The following VPS53 variants were observed in gnomAD, a reference collection of about 807,000 sequenced individuals.
The protein encoded by VPS53 is vacuolar protein sorting-associated protein 53 homolog.
VPS53 carries 70 observed loss-of-function variants against 107.0 expected under a neutral mutation model. That is an observed-to-expected ratio of 0.65 (90% CI 0.54 to 0.80). VPS53 has a LOEUF of 0.80. VPS53 is among the 30% of genes least tolerant of loss of function. VPS53 has a pLI of 0.00. For synonymous variants in VPS53, 409 were observed against 393.3 expected (o/e 1.04, Z -0.47); for missense variants, 917 against 1,049.4 (o/e 0.87, Z 1.74).
At chr17:698,479 C>A (rs187843104) in intron 3 of VPS53, among the ~76,000 whole-genome samples, 17 of 150,730 alleles carry the variant, frequency 1.1e-4, no homozygotes, top group Non-Finnish European at 2.2e-4. Context: ...CTGAGGCAGG[C>A]AGATTGCTTG....
intron 12 of VPS53, 56 bp downstream of exon 12, chr17:601,739 G>T: frequency 7.1e-7 from 1 of 1,409,022 alleles, no homozygotes; most frequent in South Asian, 1.3e-5. Flanking sequence ...CAAGCAGACC[G>T]ATTTTCAGAA....
At chr17:684,489 T>C (rs866304) in intron 4 of VPS53, among the ~76,000 whole-genome samples, 73,769 of 152,038 alleles carry the variant, frequency 0.49, 20,498 homozygotes, top group Non-Finnish European at 0.62. Flanking sequence ...AGTATAAATC[T>C]AGCAAACTAT....
intron 8 of VPS53, among the ~76,000 whole-genome samples, 172 bp from the exon 9 acceptor site, chr17:628,403 T>C (rs958355325): frequency 7.9e-5 from 12 of 152,212 alleles, no homozygotes; most frequent in Non-Finnish European, 1.6e-4. Flanking sequence ...TCCTCGAGGA[T>C]GGAATCCTTA....
At chr17:604,807 G>T (rs966703331) in intron 11 of VPS53, among the ~76,000 whole-genome samples, 5 of 152,160 alleles carry the variant, frequency 3.3e-5, no homozygotes, top group African/African-American at 1.2e-4. Flanking sequence ...TGTGGCACAT[G>T]CATTCCACAT....
rs1422061212 is a variant in VPS53, at chr17:631,769, T to C, written c.609-141A>G. 17 of 655,654 alleles carry C rather than the reference T, an allele frequency of 2.6e-5. No homozygotes were observed. The Admixed American group carries it at 3.9e-4, about 15-fold the overall frequency. 40.6% of individuals were successfully genotyped at this position (655,654 alleles called of 1,614,324 possible). A position where few individuals can be genotyped will look rare whatever the true frequency, so the allele number is the denominator to read the frequency against. ...GACGTCCATGAGGTGAGAGGTCACA[T>C]ACTAGTTAAGTGACAGGTTGATGAG... is the stretch of plus-strand genomic sequence containing the variant. On this transcript the variant is annotated intron_variant, in intron 7 of 21. Coordinates refer to ENST00000437048, the MANE Select transcript of VPS53 (RefSeq NM_001128159.3).
At chr17:533,713 T>C (rs1202469670) in intron 18 of VPS53, among the ~76,000 whole-genome samples, 2 of 152,190 alleles carry the variant, frequency 1.3e-5, no homozygotes, top group African/African-American at 2.4e-5. Context: ...TTTGCTTACA[T>C]GTCTATTTTG....
At chr17:571,473 C>T (rs1914051079) in intron 13 of VPS53, among the ~76,000 whole-genome samples, 1 of 131,944 alleles carries the variant, frequency 7.6e-6, no homozygotes, top group South Asian at 2.6e-4. Context: ...AATGGGCTCT[C>T]CCTCTCCCTC....
intron 7 of VPS53, among the ~76,000 whole-genome samples, 187 bp from the exon 8 acceptor site, chr17:631,815 T>G (rs955050066): frequency 1.3e-5 from 2 of 152,000 alleles, no homozygotes; most frequent in African/African-American, 2.4e-5. Context: ...GCATCCAAGA[T>G]ATTCTCAGGG....
rs886182232 is a variant in VPS53, at chr17:527,342, C to T, written c.2085+5500G>A. On this transcript the variant is annotated intron_variant, in intron 19 of 21. Coordinates refer to ENST00000437048, the MANE Select transcript of VPS53 (RefSeq NM_001128159.3). ...GCTTCATAAACTTGCTGTGAACATT[C>T]GTCTCTCCTGCTCTCTCTCACTGTA... Among the ~76,000 whole-genome samples the T allele has an allele frequency of 2.6e-5, 4 of 152,148 alleles. No individual in the cohort carries two copies. The South Asian group carries it at 6.2e-4, about 24-fold the overall frequency.
intron 2 of VPS53, among the ~76,000 whole-genome samples, chr17:708,032 G>C (rs1371982387): frequency 6.6e-6 from 1 of 152,102 alleles, no homozygotes; most frequent in Non-Finnish European, 1.5e-5. Context: ...TCTGTGCCTT[G>C]GTCCTGTGTT....
intron 2 of VPS53, among the ~76,000 whole-genome samples, chr17:701,401 T>C (rs1042341928): frequency 1.5e-4 from 23 of 151,902 alleles, no homozygotes; most frequent in Admixed American, 7.9e-4. Flanking sequence ...TTGTGTGTGA[T>C]GGAGACTAGC....
chr17:691,557 AC>A (rs1972775446), intron 4 of VPS53, among the ~76,000 whole-genome samples: 1 of 152,202 alleles, frequency 6.6e-6, no homozygotes, highest in Non-Finnish European at 1.5e-5. Flanking sequence ...GGTTTTAGCC[AC>A]CTGTAGTTGA....
At chr17:627,011 G>C (rs1272142653) in intron 10 of VPS53, among the ~76,000 whole-genome samples, 163 bp downstream of exon 10, 3 of 152,138 alleles carry the variant, frequency 2.0e-5, no homozygotes, top group Non-Finnish European at 2.9e-5. Flanking sequence ...GGGGCAGAGG[G>C]AGCAGCTGGT....
At chr17:633,236 G>T (rs73281325) in intron 7 of VPS53, among the ~76,000 whole-genome samples, 3 of 152,130 alleles carry the variant, frequency 2.0e-5, no homozygotes, top group Admixed American at 1.3e-4. Context: ...ACAATCGATC[G>T]CATGCTGTGC....
intron 4 of VPS53, among the ~76,000 whole-genome samples, chr17:681,598 C>T (rs546835336): frequency 1.6e-4 from 25 of 152,310 alleles, no homozygotes; most frequent in African/African-American, 5.8e-4. Flanking sequence ...TCTGGCTTCA[C>T]ATAGATATAT....
chr17:603,305 C>T (rs1353233109), intron 11 of VPS53, among the ~76,000 whole-genome samples: 3 of 152,080 alleles, frequency 2.0e-5, no homozygotes, highest in Non-Finnish European at 4.4e-5. Context: ...GCCTGTAATC[C>T]CAGCTACTTG....
At chr17:691,463 T>A (rs1229899671) in intron 4 of VPS53, among the ~76,000 whole-genome samples, 5 of 152,208 alleles carry the variant, frequency 3.3e-5, no homozygotes, top group Non-Finnish European at 7.3e-5. Context: ...GGTGGAAGAT[T>A]GTACTACAAT....
chr17:519,613 T>C lies in VPS53; in HGVS notation c.2328+213A>G, dbSNP rs1908567943. 6.6e-6 allele frequency among the ~76,000 whole-genome samples: 1 copy of C among 152,142 alleles called. No homozygotes were observed. Among genetic ancestry groups the C allele is most frequent in the African/African-American group, 2.4e-5 (1 of 41,418 alleles). ...TGCCCCATCCTCCCTGTGCAGGTGG[T>C]CTCAGCGGGGCATGCAGGGCCTGTC... is the stretch of plus-strand genomic sequence containing the variant. On this transcript the variant is annotated intron_variant, in intron 21 of 21. Transcript: ENST00000437048. The surrounding 1 kb of genome is among the most constrained non-coding windows in gnomAD (Gnocchi z 5.0).
At chr17:560,897 C>T (rs146655958) in intron 14 of VPS53, among the ~76,000 whole-genome samples, 7 of 152,350 alleles carry the variant, frequency 4.6e-5, no homozygotes, top group Admixed American at 6.5e-5. Flanking sequence ...TCATTTAGGA[C>T]CGTGTGGAGC....
Sources: allele counts gnomAD v4.1 joint callset (sites outside exome capture counted in the v4.1 genomes callset), GRCh38; gene constraint gnomAD v4.1.1; non-coding constraint Gnocchi (gnomAD v3.1); transcripts MANE v1.5; gene names NCBI Gene and HGNC (gene_info 2026-07-23, HGNC 2026-07-21).